Variants in APBA1 observed in about 807,000 individuals in gnomAD.
APBA1 encodes the protein amyloid-beta A4 precursor protein-binding family A member 1.
In APBA1, 55 loss-of-function variants were observed where a neutral mutation model predicts 86.6. The observed-to-expected ratio is 0.64, with a 90% CI of 0.51 to 0.80. The LOEUF is 0.80. APBA1 is among the 30% of genes least tolerant of loss of function. The probability of loss-of-function intolerance (pLI) is 0.00; values close to 1 mark genes in which losing one functional copy is unlikely to be tolerated. For missense variants in APBA1, 1,090 were observed against 1,183.0 expected (o/e 0.92, Z 1.15); for synonymous variants, 511 against 493.9 (o/e 1.03, Z -0.46).
chr9:69,549,127 G>A lies in APBA1; in HGVS notation c.-69-31848C>T, dbSNP rs1416885986. ...CAGGTAGAAGAAAAAGCAATATATA[G>A]TAGTTACAGAACAGCACAAGCGCCA... On this transcript the variant is annotated intron_variant, in intron 1 of 12. Transcript: ENST00000265381. Among the ~76,000 whole-genome samples the A allele has an allele frequency of 2.6e-5, 4 of 152,200 alleles. No individual in the cohort carries two copies. In the East Asian group the frequency reaches 5.8e-4, roughly 22 times the overall value.
chr9:69,618,751 T>C (rs1265952155), intron 1 of APBA1, among the ~76,000 whole-genome samples: 2 of 152,196 alleles, frequency 1.3e-5, no homozygotes, highest in Non-Finnish European at 2.9e-5. Context: ...GGGCTCAAGA[T>C]TTGTCATAAG....
chr9:69,626,481 A>G (rs1296160095), intron 1 of APBA1, among the ~76,000 whole-genome samples: 1 of 152,190 alleles, frequency 6.6e-6, no homozygotes, highest in East Asian at 1.9e-4. Flanking sequence ...CACTCTTCCC[A>G]TTAAAAATGA....
intron 1 of APBA1, among the ~76,000 whole-genome samples, chr9:69,598,356 C>G (rs572974303): frequency 4.0e-5 from 6 of 151,806 alleles, no homozygotes; most frequent in Non-Finnish European, 8.8e-5. Context: ...GTGGGTGCAG[C>G]GCACCAGCAT....
In APBA1 at chr9:69,487,037, A is replaced by G. The variant is rs558910775; in HGVS notation, c.1201-10894T>C. On this transcript the variant is annotated intron_variant, in intron 2 of 12. Transcript: ENST00000265381. ...TCTGCAGAAAGAAACTTTTACAAGT[A>G]GGAAAAGTGGATAGGATGATAATAA... Among the ~76,000 whole-genome samples the G allele has an allele frequency of 1.9e-4, 29 of 152,122 alleles. 1 individual carries two copies. The South Asian group carries it at 6.0e-3, about 32-fold the overall frequency.
chr9:69,643,410 AC>A (rs917390925), intron 1 of APBA1, among the ~76,000 whole-genome samples: 6 of 152,184 alleles, frequency 3.9e-5, no homozygotes, highest in African/African-American at 1.4e-4. Flanking sequence ...GAATTTGCTA[AC>A]AAGGACATGG....
intron 1 of APBA1, among the ~76,000 whole-genome samples, chr9:69,542,054 GA>G (rs1190702168): frequency 6.6e-6 from 1 of 151,692 alleles, no homozygotes; most frequent in Non-Finnish European, 1.5e-5. Context: ...TATTTATAAG[GA>G]AACTAATAAA....
chr9:69,486,704 C>T (rs1835615069), intron 2 of APBA1, among the ~76,000 whole-genome samples: 1 of 151,846 alleles, frequency 6.6e-6, no homozygotes, highest in Non-Finnish European at 1.5e-5. Context: ...GAAACACAGG[C>T]AGGGAGGAGG....
chr9:69,506,085 C>G (rs1482518262), intron 2 of APBA1, among the ~76,000 whole-genome samples: 1 of 151,468 alleles, frequency 6.6e-6, no homozygotes, highest in Non-Finnish European at 1.5e-5. Flanking sequence ...ATAGGAACAG[C>G]TCCGGTCTAC....
intron 2 of APBA1, among the ~76,000 whole-genome samples, chr9:69,511,106 A>C (rs931021838): frequency 3.0e-4 from 46 of 152,154 alleles, no homozygotes; most frequent in African/African-American, 9.9e-4. Context: ...TCTGCACAGC[A>C]AAAGAAACTA....
intron 2 of APBA1, among the ~76,000 whole-genome samples, chr9:69,500,275 C>T (rs539698927): frequency 2.4e-4 from 37 of 152,218 alleles, no homozygotes; most frequent in Non-Finnish European, 5.1e-4. Flanking sequence ...CAGTAACCAA[C>T]CCCAAATGTT....
chr9:69,449,523 G>T, intron 10 of APBA1, 61 bp downstream of exon 10: 1 of 1,425,380 alleles, frequency 7.0e-7, no homozygotes, highest in Non-Finnish European at 9.8e-7. Context: ...ACTGGATGGG[G>T]GTCACACTTC....
In APBA1 at chr9:69,441,032, A is replaced by T; in HGVS notation, c.2265T>A (p.Leu755=). The change falls in exon 11 of 13, where the codon CTT becomes CTA. Residue 755 remains leucine, a synonymous_variant. Coordinates refer to ENST00000265381, the MANE Select transcript of APBA1 (RefSeq NM_001163.4). ...GGACGCTGAAACCGAGCTGGTAGCG[A>T]AGGTCTGGTCTTCTGATTAACACGG... The part of the protein sequence containing the change: ...VTTVLIRRPD[L]RYQLGFSVQN... 2 of 1,614,096 alleles carry T rather than the reference A, an allele frequency of 1.2e-6. No homozygotes were observed. The highest frequency in any genetic ancestry group is 1.7e-6 in the Non-Finnish European group (2 of 1,180,024).
At chr9:69,602,580 A>AAAG (rs1365652222) in intron 1 of APBA1, among the ~76,000 whole-genome samples, 1 of 151,984 alleles carries the variant, frequency 6.6e-6, no homozygotes, top group Admixed American at 6.6e-5. Flanking sequence ...CATTAAAAAA[A>AAAG]AAGAAGAAGA....
At chr9:69,434,972 T>G (rs562199494) in intron 11 of APBA1, among the ~76,000 whole-genome samples, 1 of 115,518 alleles carries the variant, frequency 8.7e-6, no homozygotes, top group Non-Finnish European at 1.7e-5. Context: ...CAGTCCCCAG[T>G]GTGTGATGTT....
chr9:69,554,361 G>C (rs1363607140), intron 1 of APBA1, among the ~76,000 whole-genome samples: 1 of 152,032 alleles, frequency 6.6e-6, no homozygotes, highest in African/African-American at 2.4e-5. Flanking sequence ...TTGATCCTAG[G>C]GTGTCACATT....
intron 1 of APBA1, among the ~76,000 whole-genome samples, chr9:69,564,800 G>A (rs1836999641): frequency 6.6e-6 from 1 of 152,202 alleles, no homozygotes. Context: ...GAATTACCAT[G>A]TGATCCAGTA....
intron 1 of APBA1, among the ~76,000 whole-genome samples, chr9:69,551,841 C>T (rs1002672765): frequency 6.6e-6 from 1 of 152,162 alleles, no homozygotes; most frequent in South Asian, 2.1e-4. Flanking sequence ...ATTTTTTCTT[C>T]TAATCTTCGC....
intron 1 of APBA1, among the ~76,000 whole-genome samples, chr9:69,568,736 C>G (rs1837069644): frequency 1.3e-5 from 2 of 152,190 alleles, no homozygotes; most frequent in East Asian, 1.9e-4. Context: ...CATTTAACAA[C>G]TGTGTGTACC....
chr9:69,534,397 C>T (rs1836478839), intron 1 of APBA1, among the ~76,000 whole-genome samples: 1 of 152,140 alleles, frequency 6.6e-6, no homozygotes, highest in Non-Finnish European at 1.5e-5. Flanking sequence ...TGAGCTGGGT[C>T]ATCTAACCAA....
Sources: gnomAD v4.1 joint callset for allele counts (sites outside exome capture counted in the v4.1 genomes callset) on GRCh38, gnomAD v4.1.1 for gene constraint, MANE v1.5 for transcripts, NCBI Gene and HGNC (gene_info 2026-07-23, HGNC 2026-07-21) for gene names.